The following ZNF454 variants were observed in gnomAD, a reference collection of about 807,000 sequenced individuals.
ZNF454 encodes zinc finger protein 454.
In ZNF454, 30 loss-of-function variants were observed where a neutral mutation model predicts 48.2. The observed-to-expected ratio is 0.62, with a 90% CI of 0.47 to 0.84. The LOEUF (loss-of-function observed/expected upper bound fraction) is 0.84. Ranked by LOEUF, ZNF454 falls within the 40% of genes least tolerant of loss-of-function variation. The pLI is 0.00. For synonymous variants in ZNF454, 204 were observed against 211.4 expected, an observed-to-expected ratio of 0.97 and a Z score of 0.30; for missense variants, 510 against 623.1, an observed-to-expected ratio of 0.82 and a Z score of 1.93.
the ZNF454 span, chr5:178,985,396 T>C: frequency 2.8e-6 from 1 of 351,736 alleles, no homozygotes; most frequent in Non-Finnish European, 5.5e-6. Context: ...CTCCATTTCC[T>C]GTGGCCTTAA....
rs1270323287 is a variant in ZNF454, at chr5:178,941,441, G to C, written c.-111G>C. On this transcript the variant is annotated 5_prime_UTR_variant, in exon 1 of 5. Transcript: ENST00000519564. This position sits in a 1 kb window ranked among gnomAD's most constrained non-coding sequence, Gnocchi z 5.5. ...CTGATCGAATGCCCCAAACTTCCCGGAATGTATGTCTGAGATTTGATCCCA... is the reference window on the plus strand; with the variant it reads ...CTGATCGAATGCCCCAAACTTCCCGCAATGTATGTCTGAGATTTGATCCCA... 4.4e-6 allele frequency: 2 copies of C among 454,882 alleles called. No individual in the cohort carries two copies. Among genetic ancestry groups the C allele is most frequent in the East Asian group, 1.4e-4 (2 of 14,336 alleles). 28.2% of individuals were successfully genotyped at this position (454,882 alleles called of 1,614,324 possible). A position where few individuals can be genotyped will look rare whatever the true frequency, so the allele number is the denominator to read the frequency against.
chr5:178,942,540 C>T (rs1759148141), intron 1 of ZNF454, 145 bp from the exon 2 acceptor site: 1 of 492,576 alleles, frequency 2.0e-6, no homozygotes, highest in Non-Finnish European at 3.6e-6. Context: ...GTATAGTACC[C>T]TCAGAAGGAG....
chr5:178,989,211 A>AACCC, the ZNF454 span: 6 of 121,730 alleles, frequency 4.9e-5, no homozygotes, highest in South Asian at 8.7e-5. Context: ...CCCCCTCCCC[A>AACCC]CCCTCACCAC....
At chr5:178,945,316 G>A (rs1452591522) in intron 2 of ZNF454, among the ~76,000 whole-genome samples, 1 of 151,554 alleles carries the variant, frequency 6.6e-6, no homozygotes, top group Non-Finnish European at 1.5e-5. Flanking sequence ...GTCTGTCTGT[G>A]TATGTTTGTG....
In ZNF454 at chr5:178,944,531, C is replaced by G. The variant is rs991327650; in HGVS notation, c.33+1707C>G. On this transcript the variant is annotated intron_variant, in intron 2 of 4. Coordinates refer to ENST00000519564, the MANE Select transcript of ZNF454 (RefSeq NM_001178089.3). The surrounding 1 kb of genome is among the most constrained non-coding windows in gnomAD (Gnocchi z 4.1). ...GCCCTGACAAATTGGTTCATGGCTTCCATCCAAGTGTTTCTTGACTGCCTG... is the reference window on the plus strand; with the variant it reads ...GCCCTGACAAATTGGTTCATGGCTTGCATCCAAGTGTTTCTTGACTGCCTG... Among the ~76,000 whole-genome samples the G allele has an allele frequency of 4.6e-5, 7 of 152,180 alleles. No homozygotes were observed. In the East Asian group the frequency reaches 1.3e-3, roughly 29 times the overall value.
chr5:178,978,839 A>G, the ZNF454 span: 1 of 152,222 alleles, frequency 6.6e-6, no homozygotes, highest in African/African-American at 2.4e-5. Flanking sequence ...CATAGAAGAA[A>G]ACCCACAAAA....
intron 2 of ZNF454, among the ~76,000 whole-genome samples, chr5:178,945,114 C>T (rs537093424): frequency 3.0e-4 from 42 of 137,874 alleles, no homozygotes; most frequent in East Asian, 6.7e-4. Flanking sequence ...TGTGTGTGCG[C>T]GCTTGCATGT....
At chr5:178,959,941 C>A (rs1355088387) in intron 4 of ZNF454, among the ~76,000 whole-genome samples, 1 of 147,252 alleles carries the variant, frequency 6.8e-6, no homozygotes, top group Non-Finnish European at 1.5e-5. Flanking sequence ...TCTTTCTTTT[C>A]TTTTCTTTTC....
chr5:178,981,754 T>A, the ZNF454 span: 11 of 1,613,482 alleles, frequency 6.8e-6, 1 homozygote, highest in South Asian at 4.4e-5. The surrounding 1 kb of genome is among the most constrained non-coding windows in gnomAD (Gnocchi z 5.1). Flanking sequence ...CTGCTCTGGA[T>A]GGAAGAGGAT....
intron 4 of ZNF454, among the ~76,000 whole-genome samples, chr5:178,955,604 T>C (rs903937422): frequency 1.3e-5 from 2 of 152,312 alleles, no homozygotes; most frequent in Admixed American, 6.5e-5. Flanking sequence ...AGAGTTTGCA[T>C]TGATATTCAT....
At chr5:178,945,232 G>T (rs1759275665) in intron 2 of ZNF454, among the ~76,000 whole-genome samples, 1 of 151,724 alleles carries the variant, frequency 6.6e-6, no homozygotes, top group South Asian at 2.1e-4. Flanking sequence ...GTGTCTCTGT[G>T]TGTGTATTTG....
chr5:178,983,670 A>G, the ZNF454 span: 12 of 358,012 alleles, frequency 3.4e-5, no homozygotes, highest in Admixed American at 4.5e-4. Flanking sequence ...AGGGCACGCC[A>G]CAGGCAAGAG....
downstream of ZNF454, chr5:178,968,584 A>G (rs1760199158): frequency 2.9e-6 from 1 of 345,812 alleles, no homozygotes; most frequent in Admixed American, 3.6e-5. Flanking sequence ...CTTGTGTCCC[A>G]TGTCCTCAGA....
intron 4 of ZNF454, among the ~76,000 whole-genome samples, chr5:178,954,770 C>T (rs1346709854): frequency 1.3e-5 from 2 of 152,206 alleles, no homozygotes; most frequent in Non-Finnish European, 2.9e-5. Flanking sequence ...GCTGCCACTG[C>T]GAGTACCCCT....
At chr5:178,943,987 A>G (rs1055438058) in intron 2 of ZNF454, among the ~76,000 whole-genome samples, 4 of 152,240 alleles carry the variant, frequency 2.6e-5, no homozygotes, top group African/African-American at 9.6e-5. Flanking sequence ...AGATTGTGCC[A>G]GTGCACTCCA....
chr5:178,959,807 G>A (rs62395109), intron 4 of ZNF454, among the ~76,000 whole-genome samples: 44,212 of 151,294 alleles, frequency 0.29, 6,638 homozygotes, highest in East Asian at 0.35. Flanking sequence ...GGGTTTCACC[G>A]TGTTAGCCAG....
Position 178,966,042 on chromosome 5 carries a change from T to C in ZNF454, c.*69T>C, listed in dbSNP as rs1760142833. On this transcript the variant is annotated 3_prime_UTR_variant, in exon 5 of 5. Coordinates refer to ENST00000519564, the MANE Select transcript of ZNF454 (RefSeq NM_001178089.3). ...GAATTATTGAATGTGAGATAATCCG[T>C]TCTAGAGAATAACTATGAAAGCTTG... The C allele has an allele frequency of 8.0e-7, 1 of 1,252,040 alleles. No individual in the cohort carries two copies. Among genetic ancestry groups the C allele is most frequent in the African/African-American group, 1.5e-5 (1 of 66,574 alleles). The allele number at this position is 1,252,040 out of a possible 1,614,324, so 77.6% of individuals were successfully genotyped here.
In ZNF454 at chr5:178,959,552, T is replaced by C. The variant is rs529504977; in HGVS notation, c.251-5103T>C. ...TAAGAATTGGGCTGAAAGTGTAGAC[T>C]AATGGGGGACAATTGAGAATTTGAG... On this transcript the variant is annotated intron_variant, in intron 4 of 4. Transcript: ENST00000519564. Among the ~76,000 whole-genome samples the C allele has an allele frequency of 2.6e-5, 4 of 152,338 alleles. No individual in the cohort carries two copies. In the South Asian group the frequency reaches 8.3e-4, roughly 32 times the overall value.
At chr5:178,986,743 A>T in the ZNF454 span, 1 of 1,607,378 alleles carries the variant, frequency 6.2e-7, no homozygotes, top group Non-Finnish European at 8.5e-7. Context: ...AGACCACTGC[A>T]GGGCCTCCAC....
Sources: allele counts gnomAD v4.1 joint callset (sites outside exome capture counted in the v4.1 genomes callset), GRCh38; gene constraint gnomAD v4.1.1; non-coding constraint Gnocchi (gnomAD v3.1); transcripts MANE v1.5; gene names NCBI Gene and HGNC (gene_info 2026-07-23, HGNC 2026-07-21).